The following GCM1 variants were observed in gnomAD, a reference collection of about 807,000 sequenced individuals.
GCM1 encodes GCM transcription factor 1.
Under a neutral mutation model 25.7 loss-of-function variants are expected in GCM1, and 2 were observed. That is an observed-to-expected ratio of 0.08 (90% CI 0.03 to 0.24). GCM1 has a LOEUF of 0.24. Among genes scored for constraint, GCM1 ranks in the 10% least tolerant of loss-of-function variants. The pLI is 1.00. For missense variants in GCM1, 395 were observed against 538.7 expected (o/e 0.73, Z 2.64); for synonymous variants, 183 against 195.7 (o/e 0.94, Z 0.54).
At chr6:53,142,000 GAAAAAAAAAAAAAAAAAAAAAAAAA>G (rs59663630) in intron 2 of GCM1, among the ~76,000 whole-genome samples, 34 of 12,300 alleles carry the variant, frequency 2.8e-3, no homozygotes, top group South Asian at 6.9e-3. Flanking sequence ...GTGAGACCCT[GAAAAAAAAAAAAAAAAAAAAAAAAA>G]AAAAAAAAAA....
At chr6:53,136,091 T>C (rs1019561769) in intron 2 of GCM1, among the ~76,000 whole-genome samples, 5 of 152,364 alleles carry the variant, frequency 3.3e-5, no homozygotes. Context: ...GAAATATAAA[T>C]GAGAGGTTTT....
chr6:53,130,773 A>C (rs199557387), intron 5 of GCM1, 30 bp downstream of exon 5: 1 of 1,599,360 alleles, frequency 6.3e-7, no homozygotes, highest in East Asian at 2.2e-5. Context: ...AAGCTACTGC[A>C]TGTATTGAAC....
At chr6:53,141,024 A>G (rs1411980548) in intron 2 of GCM1, among the ~76,000 whole-genome samples, 2 of 152,028 alleles carry the variant, frequency 1.3e-5, no homozygotes, top group Non-Finnish European at 2.9e-5. Context: ...TTTTTCCTCT[A>G]ACCTTACACA....
chr6:53,144,037 G>C (rs1763918279), intron 2 of GCM1, among the ~76,000 whole-genome samples: 1 of 152,166 alleles, frequency 6.6e-6, no homozygotes, highest in East Asian at 1.9e-4. Flanking sequence ...GTGGTGTCCA[G>C]TCCTAGCCTT....
At chr6:53,131,492 A>T (rs945433207) in intron 4 of GCM1, among the ~76,000 whole-genome samples, 2 of 152,220 alleles carry the variant, frequency 1.3e-5, no homozygotes, top group Non-Finnish European at 2.9e-5. Context: ...CAAATGCTAC[A>T]AATCAGGACA....
chr6:53,135,716 A>G (rs1351800025), intron 2 of GCM1, among the ~76,000 whole-genome samples: 1 of 152,264 alleles, frequency 6.6e-6, no homozygotes, highest in African/African-American at 2.4e-5. Context: ...AGGTGAAAAT[A>G]GAAGATTCTA....
rs1242859584 is a variant in GCM1 at position 53,127,497 on chromosome 6, A to G, written c.*709T>C. ...TGTTTCTTCATTCTCAGTTCCCAAG[A>G]AGGCATAGATCAGGTCCTAGATAGG... On this transcript the variant is annotated 3_prime_UTR_variant, in exon 6 of 6. Coordinates refer to ENST00000259803, the MANE Select transcript of GCM1 (RefSeq NM_003643.4). 6.6e-6 allele frequency: 1 copy of G among 152,218 alleles called. No individual in the cohort carries two copies. Among genetic ancestry groups the G allele is most frequent in the Non-Finnish European group, 1.5e-5 (1 of 68,058 alleles). The allele number at this position is 152,218 out of a possible 1,614,324, so 9.4% of individuals were successfully genotyped here. A position where few individuals can be genotyped will look rare whatever the true frequency, so the allele number is the denominator to read the frequency against.
chr6:53,136,366 C>T (rs1254942300), intron 2 of GCM1, among the ~76,000 whole-genome samples: 1 of 152,222 alleles, frequency 6.6e-6, no homozygotes, highest in South Asian at 2.1e-4. Context: ...TCTGGAGGTA[C>T]ACTGTCTTTC....
chr6:53,137,732 A>G (rs928918794), intron 2 of GCM1, among the ~76,000 whole-genome samples: 8 of 152,228 alleles, frequency 5.3e-5, no homozygotes, highest in African/African-American at 1.9e-4. Context: ...AGTTGTCAGG[A>G]TAGCAGAGAT....
chr6:53,135,296 C>T (rs1763783248), intron 2 of GCM1, among the ~76,000 whole-genome samples: 1 of 152,034 alleles, frequency 6.6e-6, no homozygotes. Flanking sequence ...GTGTTTTTGA[C>T]CAAAATAAAA....
chr6:53,130,742 C>T (rs1165319246), intron 5 of GCM1, 61 bp downstream of exon 5: 26 of 1,443,032 alleles, frequency 1.8e-5, no homozygotes, highest in South Asian at 5.3e-5. Context: ...GGAAATCTAC[C>T]GCCCCCAGCA....
intron 1 of GCM1, 100 bp downstream of exon 1, chr6:53,148,654 A>G (rs1245510900): frequency 3.3e-5 from 5 of 152,230 alleles, no homozygotes; most frequent in Non-Finnish European, 7.3e-5. Flanking sequence ...CATCATTTCT[A>G]CAGAAAAATG....
At chr6:53,131,091 C>T (rs1465953620) in intron 4 of GCM1, among the ~76,000 whole-genome samples, 160 bp from the exon 5 acceptor site, 6 of 152,198 alleles carry the variant, frequency 3.9e-5, no homozygotes, top group Admixed American at 3.3e-4. Flanking sequence ...CGCTCCCAAG[C>T]CCACCATGCT....
rs374009332 is a variant in GCM1, at chr6:53,144,243, G to A, written c.75+1315C>T. ...TTGAGACCAACTTGGGCAACATTGT[G>A]AGACCCTCCTCTCAAAAACATTTTT... On this transcript the variant is annotated intron_variant, in intron 2 of 5. Transcript: ENST00000259803. 1.8e-3 allele frequency among the ~76,000 whole-genome samples: 271 copies of A among 151,948 alleles called. 1 individual carries two copies. The highest frequency in any genetic ancestry group is 6.2e-3 in the African/African-American group (258 of 41,296).
At chr6:53,132,153 G>A (rs1763736114) in intron 3 of GCM1, 34 bp from the exon 4 acceptor site, 1 of 1,312,392 alleles carries the variant, frequency 7.6e-7, no homozygotes. Flanking sequence ...ACCACACCTG[G>A]CTGAACCATG....
Position 53,143,386 on chromosome 6 carries a change from A to T in GCM1, c.75+2172T>A, listed in dbSNP as rs529781481. On this transcript the variant is annotated intron_variant, in intron 2 of 5. Transcript: ENST00000259803. ...TCTTCATCTCTTGTTTATGGATCTG[A>T]TGAAGAATCCTGTCCCAGAAAAAAT... is the stretch of plus-strand genomic sequence containing the variant. 1.6e-4 allele frequency among the ~76,000 whole-genome samples: 24 copies of T among 152,260 alleles called. No homozygotes were observed. The East Asian group carries it at 4.6e-3, about 29-fold the overall frequency.
At chr6:53,130,759 TG>T in intron 5 of GCM1, 43 bp downstream of exon 5, 1 of 1,564,638 alleles carries the variant, frequency 6.4e-7, no homozygotes. Context: ...AGCACAGGCG[TG>T]GCAAGCTACT....
chr6:53,145,809 T>A, intron 1 of GCM1, 41 bp from the exon 2 acceptor site: 1 of 497,428 alleles, frequency 2.0e-6, no homozygotes, highest in Non-Finnish European at 3.5e-6. Flanking sequence ...ATTAAAGAGA[T>A]TTAAAAAAAA....
intron 2 of GCM1, among the ~76,000 whole-genome samples, chr6:53,139,246 A>G (rs1386752961): frequency 6.6e-6 from 1 of 152,134 alleles, no homozygotes; most frequent in East Asian, 1.9e-4. Context: ...CCTTCAACCA[A>G]TGTTTTGATT....
Sources: gnomAD v4.1 joint callset for allele counts (sites outside exome capture counted in the v4.1 genomes callset) on GRCh38, gnomAD v4.1.1 for gene constraint, MANE v1.5 for transcripts, NCBI Gene and HGNC (gene_info 2026-07-23, HGNC 2026-07-21) for gene names.